The following WDR7 variants were observed in gnomAD, a reference collection of about 807,000 sequenced individuals.
WDR7 encodes the protein WD repeat-containing protein 7.
A neutral mutation model predicts 169.4 loss-of-function variants in WDR7; 46 were observed. The ratio of observed to expected loss-of-function variants is 0.27; its 90% CI spans 0.21 to 0.35. The LOEUF (loss-of-function observed/expected upper bound fraction) is 0.35. Ranked by LOEUF, WDR7 falls within the 10% of genes least tolerant of loss-of-function variation. The pLI is 1.00. For missense variants in WDR7, 1,534 were observed against 1,859.3 expected (o/e 0.83, Z 3.22); for synonymous variants, 612 against 666.8 (o/e 0.92, Z 1.27).
intron 15 of WDR7, among the ~76,000 whole-genome samples, chr18:56,757,590 G>A (rs911255047): frequency 2.6e-5 from 4 of 152,086 alleles, no homozygotes; most frequent in African/African-American, 9.7e-5. Flanking sequence ...AATTTGGAAT[G>A]AGGGAGTTGG....
At chr18:56,969,697 AT>A (rs1284508295) in intron 26 of WDR7, among the ~76,000 whole-genome samples, 1 of 152,238 alleles carries the variant, frequency 6.6e-6, no homozygotes. Context: ...TAATGCTTCT[AT>A]TGAAATTAAT....
intron 20 of WDR7, among the ~76,000 whole-genome samples, chr18:56,868,730 C>T (rs906468935): frequency 6.6e-6 from 1 of 152,004 alleles, no homozygotes; most frequent in Non-Finnish European, 1.5e-5. Context: ...CTGAAATATT[C>T]CTTTTCTCAT....
chr18:56,928,932 T>C lies in WDR7; in HGVS notation c.3713+4824T>C, dbSNP rs895413496. On this transcript the variant is annotated intron_variant, in intron 22 of 27. Coordinates refer to ENST00000254442, the MANE Select transcript of WDR7 (RefSeq NM_015285.3). ...CTTAACATCCACAGAATTAAAACAA[T>C]TCGTTAAAGTACATAATCAGAATTT... Among the ~76,000 whole-genome samples, 99 of 152,258 alleles carry C rather than the reference T, an allele frequency of 6.5e-4. 2 individuals are homozygous for C. The highest frequency in any genetic ancestry group is 6.8e-3 in the Middle Eastern group (2 of 294).
At chr18:56,828,679 C>G (rs1599079992) in intron 20 of WDR7, among the ~76,000 whole-genome samples, 1 of 152,222 alleles carries the variant, frequency 6.6e-6, no homozygotes, top group South Asian at 2.1e-4. Context: ...TAATATAACT[C>G]TCATACTTGC....
intron 19 of WDR7, among the ~76,000 whole-genome samples, chr18:56,799,325 A>G (rs1599053448): frequency 6.6e-6 from 1 of 152,184 alleles, no homozygotes; most frequent in East Asian, 1.9e-4. Context: ...ATCTCTGTGA[A>G]ATATATGTAA....
chr18:56,842,404 A>G (rs1038527685), intron 20 of WDR7, among the ~76,000 whole-genome samples: 7 of 152,198 alleles, frequency 4.6e-5, no homozygotes, highest in African/African-American at 9.6e-5. Flanking sequence ...TCACTAAGGC[A>G]GTGCTCTTAT....
intron 20 of WDR7, among the ~76,000 whole-genome samples, chr18:56,867,178 C>T (rs2045894214): frequency 6.6e-6 from 1 of 152,046 alleles, no homozygotes; most frequent in Non-Finnish European, 1.5e-5. Context: ...GCACTCACCA[C>T]CACACCTGGC....
intron 25 of WDR7, among the ~76,000 whole-genome samples, chr18:56,953,232 C>A (rs1190891146): frequency 6.6e-6 from 1 of 152,142 alleles, no homozygotes; most frequent in African/African-American, 2.4e-5. Flanking sequence ...AAAAGCATAT[C>A]ATCCACTCAG....
chr18:56,781,347 T>G (rs764002350), intron 18 of WDR7, among the ~76,000 whole-genome samples, 186 bp from the exon 19 acceptor site: 3 of 152,234 alleles, frequency 2.0e-5, no homozygotes, highest in Non-Finnish European at 2.9e-5. Context: ...AATTAAAATA[T>G]CTTTGATGAT....
intron 17 of WDR7, among the ~76,000 whole-genome samples, chr18:56,777,754 A>G (rs2044262418): frequency 6.6e-6 from 1 of 152,236 alleles, no homozygotes; most frequent in Non-Finnish European, 1.5e-5. Context: ...TCCAGTGGCC[A>G]TAAAGTACAG....
chr18:56,666,011 G>C (rs1488298961), intron 1 of WDR7, among the ~76,000 whole-genome samples: 2 of 152,016 alleles, frequency 1.3e-5, no homozygotes, highest in Non-Finnish European at 2.9e-5. Flanking sequence ...GATGTGGGCT[G>C]TCCCATGGGA....
At chr18:56,674,941 T>C (rs2025212703) in intron 2 of WDR7, among the ~76,000 whole-genome samples, 2 of 152,228 alleles carry the variant, frequency 1.3e-5, no homozygotes, top group Admixed American at 6.5e-5. Flanking sequence ...TTGTTCTCCA[T>C]TGAATGCTAT....
intron 1 of WDR7, among the ~76,000 whole-genome samples, chr18:56,653,987 C>T (rs1250645496): frequency 2.0e-5 from 3 of 152,128 alleles, no homozygotes; most frequent in African/African-American, 2.4e-5. Context: ...GCAGGAAGCT[C>T]GTGAGGGTTC....
chr18:56,867,464 T>C (rs994381231), intron 20 of WDR7, among the ~76,000 whole-genome samples: 1 of 152,196 alleles, frequency 6.6e-6, no homozygotes, highest in African/African-American at 2.4e-5. Context: ...TCTGTCTTAA[T>C]AAAAGACTAG....
At chr18:56,989,759 T>A (rs1269351573) in intron 26 of WDR7, among the ~76,000 whole-genome samples, 1 of 152,194 alleles carries the variant, frequency 6.6e-6, no homozygotes, top group Non-Finnish European at 1.5e-5. Flanking sequence ...ATTATAAGTT[T>A]CCAAGCTTAC....
At chr18:56,695,341 A>T in intron 11 of WDR7, 143 bp downstream of exon 11, 1 of 988,296 alleles carries the variant, frequency 1.0e-6, no homozygotes, top group Non-Finnish European at 1.4e-6. Context: ...GTAGAGTTTA[A>T]TGCACAGATA....
At chr18:56,912,881 A>T (rs2046571593) in intron 21 of WDR7, among the ~76,000 whole-genome samples, 2 of 144,998 alleles carry the variant, frequency 1.4e-5, no homozygotes, top group African/African-American at 5.0e-5. Flanking sequence ...TTTTAATTTA[A>T]TTTTTTTTTT....
chr18:56,935,716 T>C, intron 22 of WDR7, 72 bp from the exon 23 acceptor site: 1 of 1,400,072 alleles, frequency 7.1e-7, no homozygotes, highest in Middle Eastern at 2.3e-4. Flanking sequence ...CATTATAAGC[T>C]GTGTCTAATC....
chr18:56,765,925 G>A (rs2044058917), intron 16 of WDR7, among the ~76,000 whole-genome samples: 1 of 151,956 alleles, frequency 6.6e-6, no homozygotes, highest in African/African-American at 2.4e-5. Context: ...TGTCATCTAG[G>A]TTTTAAGCCC....
Sources: gnomAD v4.1 joint callset for allele counts (sites outside exome capture counted in the v4.1 genomes callset) on GRCh38, gnomAD v4.1.1 for gene constraint, MANE v1.5 for transcripts, NCBI Gene and HGNC (gene_info 2026-07-23, HGNC 2026-07-21) for gene names.